SORCS3: variants seen among roughly 807,000 people sequenced by gnomAD.
SORCS3 encodes VPS10 domain-containing receptor SorCS3.
A neutral mutation model predicts 146.3 loss-of-function variants in SORCS3; 57 were observed. That is an observed-to-expected ratio of 0.39 (90% CI 0.31 to 0.49). The LOEUF is 0.49. Among genes scored for constraint, SORCS3 ranks in the 20% least tolerant of loss-of-function variants. The pLI is 0.92. For synonymous variants in SORCS3, 653 were observed against 618.5 expected (o/e 1.06, Z -0.83); for missense variants, 1,341 against 1,575.5 (o/e 0.85, Z 2.52).
At chr10:104,833,263 G>A (rs192014566) in intron 1 of SORCS3, among the ~76,000 whole-genome samples, 1 of 152,332 alleles carries the variant, frequency 6.6e-6, no homozygotes, top group East Asian at 1.9e-4. Context: ...AGAAGAAATT[G>A]CCTTCTCTGA....
At position 104,881,006 on chromosome 10, in the gene SORCS3, A is replaced by T. The variant is rs187613869; in HGVS notation, c.696-34827A>T. Among the ~76,000 whole-genome samples the T allele has an allele frequency of 2.7e-4, 41 of 152,336 alleles. No homozygotes were observed. The East Asian group carries it at 7.3e-3, about 27-fold the overall frequency. ...ACATATAATCTCTGAAATCTGAGAG[A>T]TAATGCCTTGGAATCAAAACTATGA... On this transcript the variant is annotated intron_variant, in intron 2 of 26. Coordinates refer to ENST00000369701, the MANE Select transcript of SORCS3 (RefSeq NM_014978.3).
chr10:104,931,434 G>A (rs1016499227), intron 3 of SORCS3, among the ~76,000 whole-genome samples: 13 of 152,254 alleles, frequency 8.5e-5, no homozygotes, highest in Admixed American at 5.9e-4. Context: ...CTTTCAAATC[G>A]TGTGACTCTG....
At chr10:105,071,060 T>A (rs892506138) in intron 5 of SORCS3, among the ~76,000 whole-genome samples, 6 of 152,204 alleles carry the variant, frequency 3.9e-5, no homozygotes, top group African/African-American at 1.4e-4. Context: ...GGGCTGTGTT[T>A]CCATTTGGAG....
intron 14 of SORCS3, among the ~76,000 whole-genome samples, chr10:105,181,808 C>T (rs1399818680): frequency 1.3e-5 from 2 of 152,150 alleles, no homozygotes; most frequent in Admixed American, 6.5e-5. Flanking sequence ...GGCAGTGGCT[C>T]TCCAGATGAT....
chr10:105,099,693 G>A (rs1303631715), intron 6 of SORCS3, among the ~76,000 whole-genome samples: 1 of 152,180 alleles, frequency 6.6e-6, no homozygotes, highest in Non-Finnish European at 1.5e-5. Flanking sequence ...GGCTTGTCTT[G>A]CTGAATAGAG....
chr10:104,716,951 C>G (rs1000489438), intron 1 of SORCS3, among the ~76,000 whole-genome samples: 12 of 152,168 alleles, frequency 7.9e-5, no homozygotes, highest in African/African-American at 2.7e-4. Context: ...AGTCATTTTT[C>G]TAATTGTCTT....
At chr10:105,229,099 G>A (rs1080406) in intron 20 of SORCS3, among the ~76,000 whole-genome samples, 13,409 of 151,706 alleles carry the variant, frequency 0.088, 785 homozygotes, top group Admixed American at 0.16. Context: ...ACCTGTTTTC[G>A]GGATCTGAGG....
rs530699648 is a variant in SORCS3 at position 104,976,591 on chromosome 10, G to T, written c.796-744G>T. Among the ~76,000 whole-genome samples the T allele has an allele frequency of 3.1e-4, 47 of 152,168 alleles. No homozygotes were observed. In the East Asian group the frequency reaches 8.9e-3, roughly 29 times the overall value. ...TACCCAAAGGACTATAAATCATGCT[G>T]CTATAAAGACACATGCACACATATG... On this transcript the variant is annotated intron_variant, in intron 3 of 26. Transcript: ENST00000369701.
intron 1 of SORCS3, among the ~76,000 whole-genome samples, chr10:104,733,006 C>T (rs921149959): frequency 2.6e-5 from 4 of 152,256 alleles, no homozygotes; most frequent in Admixed American, 2.6e-4. Flanking sequence ...AGAGTTGGGG[C>T]AATCAGCTTA....
At chr10:104,897,913 T>C (rs967593878) in intron 2 of SORCS3, among the ~76,000 whole-genome samples, 1 of 152,222 alleles carries the variant, frequency 6.6e-6, no homozygotes, top group African/African-American at 2.4e-5. Context: ...TACTGACTTC[T>C]CACATTCACT....
chr10:105,121,706 A>G (rs977745026), intron 7 of SORCS3, among the ~76,000 whole-genome samples: 3 of 152,138 alleles, frequency 2.0e-5, no homozygotes, highest in African/African-American at 4.8e-5. Context: ...TGCATCATTA[A>G]CCAAAGAAAG....
At chr10:104,691,722 A>G (rs1486592400) in intron 1 of SORCS3, among the ~76,000 whole-genome samples, 1 of 152,138 alleles carries the variant, frequency 6.6e-6, no homozygotes, top group Non-Finnish European at 1.5e-5. Context: ...TGAACTATAT[A>G]ATGTGTGTTT....
At chr10:105,135,438 G>A (rs4918150) in intron 7 of SORCS3, among the ~76,000 whole-genome samples, 73,968 of 151,964 alleles carry the variant, frequency 0.49, 18,508 homozygotes, top group Non-Finnish European at 0.54. Context: ...CATTGATCTG[G>A]TGAGTAGCAT....
intron 1 of SORCS3, among the ~76,000 whole-genome samples, chr10:104,757,066 G>GTTTT (rs35550035): frequency 1.2e-5 from 1 of 83,980 alleles, no homozygotes; most frequent in African/African-American, 4.6e-5. Flanking sequence ...CAAGTTAAGG[G>GTTTT]TTTTTTTTTT....
chr10:104,847,615 C>A (rs968057901), intron 2 of SORCS3, among the ~76,000 whole-genome samples: 1 of 152,170 alleles, frequency 6.6e-6, no homozygotes, highest in South Asian at 2.1e-4. Flanking sequence ...TGCAGGAGCT[C>A]TCCTCTGGCT....
chr10:104,847,710 C>A (rs917025658), intron 2 of SORCS3, among the ~76,000 whole-genome samples: 1 of 152,126 alleles, frequency 6.6e-6, no homozygotes, highest in African/African-American at 2.4e-5. Flanking sequence ...AAAGAATGAT[C>A]CCTTCAATTG....
chr10:104,929,717 C>T (rs1182828821), intron 3 of SORCS3, among the ~76,000 whole-genome samples: 2 of 152,238 alleles, frequency 1.3e-5, no homozygotes, highest in African/African-American at 2.4e-5. Flanking sequence ...AATGTGGATC[C>T]AGGCTGCAGG....
chr10:104,932,054 T>C (rs570304274), intron 3 of SORCS3, among the ~76,000 whole-genome samples: 40 of 152,310 alleles, frequency 2.6e-4, no homozygotes, highest in Admixed American at 1.0e-3. Flanking sequence ...CTTGAAATAA[T>C]GAACTGCTGG....
intron 22 of SORCS3, among the ~76,000 whole-genome samples, chr10:105,251,476 G>C (rs1353536131): frequency 6.6e-6 from 1 of 152,176 alleles, no homozygotes; most frequent in East Asian, 1.9e-4. Flanking sequence ...ATGTAATCAT[G>C]TGTCACGGTG....
Sources: gnomAD v4.1 joint callset for allele counts (sites outside exome capture counted in the v4.1 genomes callset) on GRCh38, gnomAD v4.1.1 for gene constraint, MANE v1.5 for transcripts, NCBI Gene and HGNC (gene_info 2026-07-23, HGNC 2026-07-21) for gene names.